LARP1B: variants seen among roughly 807,000 people sequenced by gnomAD.
LARP1B encodes La ribonucleoprotein 1B, also known as la-related protein 1B.
Under a neutral mutation model 114.2 loss-of-function variants are expected in LARP1B, and 76 were observed. That is an observed-to-expected ratio of 0.67 (90% CI 0.55 to 0.81). The LOEUF is 0.81. LARP1B is among the 30% of genes least tolerant of loss of function. The probability of loss-of-function intolerance (pLI) is 0.00; values close to 1 mark genes in which losing one functional copy is unlikely to be tolerated. For synonymous variants in LARP1B, 345 were observed against 348.0 expected (o/e 0.99, Z 0.10); for missense variants, 1,014 against 1,075.8 (o/e 0.94, Z 0.80).
At chr4:128,108,646 T>C (rs1782911812) in intron 9 of LARP1B, 1 of 985,252 alleles carries the variant, frequency 1.0e-6, no homozygotes, top group South Asian at 4.7e-5. Flanking sequence ...GACATTATTT[T>C]AGCTAGTGGT....
intron 1 of LARP1B, chr4:128,062,100 A>G: frequency 1.0e-6 from 1 of 985,366 alleles, no homozygotes; most frequent in African/African-American, 1.7e-5. Context: ...GGCCCTGCGG[A>G]AAAGCGGCAG....
At chr4:128,190,477 G>C (rs1042713356) in intron 15 of LARP1B, among the ~76,000 whole-genome samples, 2 of 152,052 alleles carry the variant, frequency 1.3e-5, no homozygotes, top group Non-Finnish European at 2.9e-5. Flanking sequence ...GTCTCATCTC[G>C]AATTGTAATT....
Position 128,077,777 on chromosome 4 carries a change from C to T in LARP1B, c.43-11C>T, listed in dbSNP as rs111390658. On this transcript the variant is annotated splice_polypyrimidine_tract_variant and intron_variant, in intron 3 of 19. Transcript: ENST00000326639. The stretch of plus-strand genomic sequence containing the variant: ...AATGGAAATCATTTCATTCTGAAAA[C>T]CTTTTTGCAGTTTCAGAGCGTCCTC... The T allele has an allele frequency of 2.2e-5, 33 of 1,525,118 alleles. 1 individual carries two copies. The African/African-American group carries it at 2.9e-4, about 14-fold the overall frequency. 94.5% of individuals were successfully genotyped at this position (1,525,118 alleles called of 1,614,324 possible).
At chr4:128,219,171 A>G (rs1442684574) in intron 6 of LARP1B, among the ~76,000 whole-genome samples, 1 of 150,696 alleles carries the variant, frequency 6.6e-6, no homozygotes, top group East Asian at 2.0e-4. Context: ...ATGTGGAGAA[A>G]TAGGAACACT....
intron 1 of LARP1B, among the ~76,000 whole-genome samples, chr4:128,066,319 G>C (rs981583425): frequency 1.3e-5 from 2 of 151,634 alleles, no homozygotes; most frequent in Admixed American, 1.3e-4. Flanking sequence ...TGGGACTACA[G>C]GCGCCTGCCA....
At chr4:128,081,077 CTTTT>C (rs4000703) in intron 4 of LARP1B, among the ~76,000 whole-genome samples, 14 of 127,962 alleles carry the variant, frequency 1.1e-4, no homozygotes, top group Non-Finnish European at 1.0e-4. Flanking sequence ...TGTATATATA[CTTTT>C]TTTTTTTTTT....
intron 11 of LARP1B, chr4:128,155,395 T>A (rs533825204): frequency 3.3e-6 from 2 of 611,492 alleles, no homozygotes; most frequent in South Asian, 3.7e-5. Flanking sequence ...GGGCATGTTC[T>A]GAGACTTCAG....
At chr4:128,179,628 A>G in intron 15 of LARP1B, 116 bp downstream of exon 15, 1 of 590,682 alleles carries the variant, frequency 1.7e-6, no homozygotes. Flanking sequence ...ATTATAGAGC[A>G]ATGAAAATGG....
At chr4:128,100,549 G>C (rs1028052003) in intron 8 of LARP1B, among the ~76,000 whole-genome samples, 3 of 152,158 alleles carry the variant, frequency 2.0e-5, no homozygotes, top group Admixed American at 6.5e-5. Flanking sequence ...TGGGATTACA[G>C]GCGTGAGCCA....
At chr4:128,201,911 C>T (rs558194269) in intron 17 of LARP1B, among the ~76,000 whole-genome samples, 1 of 152,290 alleles carries the variant, frequency 6.6e-6, no homozygotes, top group Admixed American at 6.5e-5. Flanking sequence ...ATGGATTCCT[C>T]TTGTAAATAT....
intron 12 of LARP1B, among the ~76,000 whole-genome samples, chr4:128,166,474 T>C (rs1001174797): frequency 1.3e-5 from 2 of 151,934 alleles, no homozygotes; most frequent in East Asian, 3.8e-4. Flanking sequence ...CTTAAAAATA[T>C]ATATAAGGTG....
At chr4:128,184,786 T>C (rs1380608770) in intron 15 of LARP1B, among the ~76,000 whole-genome samples, 1 of 152,184 alleles carries the variant, frequency 6.6e-6, no homozygotes, top group Non-Finnish European at 1.5e-5. Flanking sequence ...AACTCTCTTA[T>C]CTCTATGAGA....
chr4:128,178,090 AAAT>A (rs1747025818), intron 13 of LARP1B, among the ~76,000 whole-genome samples: 3 of 149,384 alleles, frequency 2.0e-5, no homozygotes, highest in African/African-American at 7.3e-5. Flanking sequence ...TAATTATGCA[AAAT>A]AATATTACAT....
At chr4:128,197,664 AGCCTGGC>A (rs1754654841) in intron 15 of LARP1B, among the ~76,000 whole-genome samples, 1 of 152,098 alleles carries the variant, frequency 6.6e-6, no homozygotes, top group South Asian at 2.1e-4. Flanking sequence ...ACTGCACTCC[AGCCTGGC>A]AACAGAGCGA....
At chr4:128,222,735 C>G (rs1431157166), downstream of LARP1B, 2 of 168,572 alleles carry the variant, frequency 1.2e-5, no homozygotes, top group Non-Finnish European at 2.6e-5. Flanking sequence ...AATAGACATT[C>G]CAATTGAGGA....
At chr4:128,136,981 TAAAC>T (rs1209768898) in intron 11 of LARP1B, among the ~76,000 whole-genome samples, 2 of 152,040 alleles carry the variant, frequency 1.3e-5, no homozygotes, top group Non-Finnish European at 2.9e-5. Context: ...GTTTTTAAAT[TAAAC>T]AACTCAGCAT....
intron 11 of LARP1B, among the ~76,000 whole-genome samples, chr4:128,137,451 CT>C (rs1186562676): frequency 6.6e-6 from 1 of 152,044 alleles, no homozygotes; most frequent in Admixed American, 6.6e-5. Context: ...AGAGCCAAAT[CT>C]TAGTTATATT....
At chr4:128,176,195 T>TTTATATA (rs1158325884) in intron 12 of LARP1B, among the ~76,000 whole-genome samples, 1 of 144,608 alleles carries the variant, frequency 6.9e-6, no homozygotes, top group Non-Finnish European at 1.5e-5. Flanking sequence ...TAAATATATT[T>TTTATATA]TTATATATTA....
At chr4:128,179,832 G>A (rs952977142) in intron 15 of LARP1B, among the ~76,000 whole-genome samples, 1 of 152,010 alleles carries the variant, frequency 6.6e-6, no homozygotes, top group Admixed American at 6.6e-5. Flanking sequence ...GTTCTTAGTA[G>A]ATATTTATTG....
Sources: allele counts gnomAD v4.1 joint callset (sites outside exome capture counted in the v4.1 genomes callset), GRCh38; gene constraint gnomAD v4.1.1; transcripts MANE v1.5; gene names NCBI Gene and HGNC (gene_info 2026-07-23, HGNC 2026-07-21).